The following DSCAM variants were observed in gnomAD, a reference collection of about 807,000 sequenced individuals.
The protein encoded by DSCAM is cell adhesion molecule DSCAM.
In DSCAM, 47 loss-of-function variants were observed where a neutral mutation model predicts 217.7. The ratio of observed to expected loss-of-function variants is 0.22; its 90% CI spans 0.17 to 0.28. The LOEUF (loss-of-function observed/expected upper bound fraction) is 0.28, where lower values mean the gene tolerates loss of function less well. Among genes scored for constraint, DSCAM ranks in the 10% least tolerant of loss-of-function variants. The pLI, the probability that DSCAM is intolerant of heterozygous loss-of-function variation, is 1.00. For synonymous variants in DSCAM, 1,056 were observed against 1,015.3 expected (o/e 1.04, Z -0.76); for missense variants, 2,080 against 2,618.3 (o/e 0.79, Z 4.49).
intron 15 of DSCAM, among the ~76,000 whole-genome samples, chr21:40,174,657 G>A (rs577716685): frequency 2.0e-4 from 31 of 152,104 alleles, no homozygotes; most frequent in African/African-American, 7.5e-4. Flanking sequence ...GCTCACTGAG[G>A]GGGTATGGTC....
intron 6 of DSCAM, among the ~76,000 whole-genome samples, chr21:40,343,896 ATTTAT>A (rs919471506): frequency 6.0e-5 from 8 of 134,388 alleles, no homozygotes; most frequent in African/African-American, 2.1e-4. Flanking sequence ...ATTTCATTTT[ATTTAT>A]TTTATTTTAT....
chr21:40,126,756 C>G (rs1336430516), intron 19 of DSCAM, among the ~76,000 whole-genome samples: 2 of 152,190 alleles, frequency 1.3e-5, no homozygotes, highest in East Asian at 3.8e-4. Context: ...GGGACTTTTA[C>G]TGCACCATCT....
intron 3 of DSCAM, among the ~76,000 whole-genome samples, chr21:40,431,009 A>C (rs752319369): frequency 7.9e-5 from 12 of 152,258 alleles, no homozygotes; most frequent in Non-Finnish European, 1.5e-4. Context: ...AATGAAAACC[A>C]GCAATTCGAA....
At chr21:40,768,009 A>AG (rs1229940520) in intron 1 of DSCAM, among the ~76,000 whole-genome samples, 1 of 152,232 alleles carries the variant, frequency 6.6e-6, no homozygotes, top group African/African-American at 2.4e-5. Context: ...AAGAAAAAAA[A>AG]TCAAGAATAA....
At chr21:40,432,721 G>A (rs373130973) in intron 3 of DSCAM, among the ~76,000 whole-genome samples, 11 of 152,278 alleles carry the variant, frequency 7.2e-5, no homozygotes, top group African/African-American at 2.4e-4. Flanking sequence ...AAGGAAAAAA[G>A]TAGTCAGTGC....
At chr21:40,132,714 C>T (rs1019413999) in intron 19 of DSCAM, among the ~76,000 whole-genome samples, 6 of 152,140 alleles carry the variant, frequency 3.9e-5, no homozygotes, top group Admixed American at 6.5e-5. Context: ...CAGAGAGTGA[C>T]GTGGAAGATG....
intron 20 of DSCAM, among the ~76,000 whole-genome samples, chr21:40,119,892 C>T (rs1353575462): frequency 6.6e-6 from 1 of 151,946 alleles, no homozygotes; most frequent in Non-Finnish European, 1.5e-5. Flanking sequence ...TTTCCAGATT[C>T]CACGTTATAC....
intron 3 of DSCAM, among the ~76,000 whole-genome samples, chr21:40,518,575 T>TACACACACATATAC (rs1432980574): frequency 3.5e-5 from 3 of 85,784 alleles, no homozygotes; most frequent in Non-Finnish European, 5.9e-5. Context: ...CATATATACA[T>TACACACACATATAC]ACACACACAT....
chr21:40,241,298 A>C (rs1381803771), intron 11 of DSCAM, among the ~76,000 whole-genome samples: 1 of 152,214 alleles, frequency 6.6e-6, no homozygotes, highest in Admixed American at 6.5e-5. Context: ...CAAGGGAAAA[A>C]CAAACAACCC....
chr21:40,594,412 G>C (rs1025261150), intron 3 of DSCAM, among the ~76,000 whole-genome samples: 4 of 152,162 alleles, frequency 2.6e-5, no homozygotes, highest in African/African-American at 9.7e-5. Context: ...AGTAATCCTG[G>C]CCTGTCGTTT....
At chr21:40,080,390 G>A (rs1204654208) in intron 24 of DSCAM, 50 bp from the exon 25 acceptor site, 2 of 1,441,408 alleles carry the variant, frequency 1.4e-6, no homozygotes, top group Non-Finnish European at 1.9e-6. Context: ...GCTTTCTATG[G>A]GAAGTGGACT....
chr21:40,168,335 C>G (rs925462729), intron 15 of DSCAM, among the ~76,000 whole-genome samples: 4 of 152,106 alleles, frequency 2.6e-5, no homozygotes, highest in African/African-American at 4.8e-5. Flanking sequence ...GTGCTACCTA[C>G]TAGGTACATG....
At chr21:40,845,836 C>A (rs2092140542) in intron 1 of DSCAM, among the ~76,000 whole-genome samples, 1 of 152,100 alleles carries the variant, frequency 6.6e-6, no homozygotes, top group Admixed American at 6.5e-5. Flanking sequence ...TGACAGGCAG[C>A]CTAAGGTGCA....
intron 1 of DSCAM, among the ~76,000 whole-genome samples, chr21:40,764,799 A>G (rs537728796): frequency 6.6e-6 from 1 of 152,194 alleles, no homozygotes; most frequent in South Asian, 2.1e-4. Context: ...TGTCCTTTGC[A>G]AGGTCATGGA....
chr21:40,487,288 TGTGCGTGTGTGC>T (rs1327672011), intron 3 of DSCAM, among the ~76,000 whole-genome samples: 5 of 141,450 alleles, frequency 3.5e-5, no homozygotes, highest in Non-Finnish European at 6.0e-5. Context: ...TGTGTGCATG[TGTGCGTGTGTGC>T]GTGCGTGTGT....
At chr21:40,402,623 C>A (rs74911059) in intron 3 of DSCAM, among the ~76,000 whole-genome samples, 5,195 of 149,408 alleles carry the variant, frequency 0.035, 207 homozygotes, top group East Asian at 0.2. Flanking sequence ...TGTAGATAAA[C>A]AGGATTAAAA....
intron 9 of DSCAM, among the ~76,000 whole-genome samples, chr21:40,300,825 G>A (rs1157509600): frequency 6.6e-6 from 1 of 152,174 alleles, no homozygotes; most frequent in Non-Finnish European, 1.5e-5. Flanking sequence ...TACATCTGGG[G>A]TGGAATCCAA....
At chr21:40,129,846 C>A (rs1051885493) in intron 19 of DSCAM, among the ~76,000 whole-genome samples, 1 of 152,184 alleles carries the variant, frequency 6.6e-6, no homozygotes, top group Non-Finnish European at 1.5e-5. Context: ...CACACACTAT[C>A]CACACCTTCA....
intron 20 of DSCAM, among the ~76,000 whole-genome samples, chr21:40,102,605 TTGATA>T (rs2089766778): frequency 6.6e-6 from 1 of 152,158 alleles, no homozygotes; most frequent in Non-Finnish European, 1.5e-5. Flanking sequence ...CCTTGTGGTG[TTGATA>T]TAATATTTTT....
Sources: allele counts gnomAD v4.1 joint callset (sites outside exome capture counted in the v4.1 genomes callset), GRCh38; gene constraint gnomAD v4.1.1; transcripts MANE v1.5; gene names NCBI Gene and HGNC (gene_info 2026-07-23, HGNC 2026-07-21).